The following PXYLP1 variants were observed in gnomAD, a reference collection of about 807,000 sequenced individuals.
The protein encoded by PXYLP1 is 2-phosphoxylose phosphatase 1, also known as acid phosphatase-like 2.
Under a neutral mutation model 37.9 loss-of-function variants are expected in PXYLP1, and 17 were observed. The ratio of observed to expected loss-of-function variants is 0.45; its 90% CI spans 0.31 to 0.67. The LOEUF (loss-of-function observed/expected upper bound fraction) is 0.67. PXYLP1 is among the 30% of genes least tolerant of loss of function. PXYLP1 has a pLI of 0.07. For synonymous variants in PXYLP1, 221 were observed against 232.2 expected, an observed-to-expected ratio of 0.95 and a Z score of 0.44; for missense variants, 511 against 612.0, an observed-to-expected ratio of 0.84 and a Z score of 1.74.
intron 2 of PXYLP1, among the ~76,000 whole-genome samples, chr3:141,277,537 C>T (rs144222606): frequency 6.6e-6 from 1 of 152,098 alleles, no homozygotes; most frequent in Non-Finnish European, 1.5e-5. Flanking sequence ...AAAAAGAGCA[C>T]CTCTTCTAGA....
chr3:141,275,153 A>G (rs571465449), intron 2 of PXYLP1, among the ~76,000 whole-genome samples: 2 of 152,350 alleles, frequency 1.3e-5, no homozygotes, highest in South Asian at 4.1e-4. Context: ...CTGAACTAGT[A>G]GACACAGTTG....
chr3:141,232,971 G>A (rs1314661291), intron 1 of PXYLP1, among the ~76,000 whole-genome samples: 1 of 152,168 alleles, frequency 6.6e-6, no homozygotes, highest in Non-Finnish European at 1.5e-5. Flanking sequence ...GGAAGTGTAG[G>A]GGGGTGGATG....
intron 1 of PXYLP1, 35 bp from the exon 2 acceptor site, chr3:141,260,088 T>A: frequency 4.0e-6 from 6 of 1,516,104 alleles, no homozygotes; most frequent in Non-Finnish European, 4.5e-6. Flanking sequence ...TCTCCACCTC[T>A]AAACACTCAT....
intron 2 of PXYLP1, among the ~76,000 whole-genome samples, chr3:141,276,332 T>A (rs1184511775): frequency 6.6e-6 from 1 of 152,248 alleles, no homozygotes; most frequent in Non-Finnish European, 1.5e-5. Context: ...TGTGTTATGA[T>A]GGATAACCTT....
At chr3:141,261,339 C>T (rs1941391318) in intron 2 of PXYLP1, among the ~76,000 whole-genome samples, 3 of 152,058 alleles carry the variant, frequency 2.0e-5, no homozygotes, top group South Asian at 4.1e-4. Flanking sequence ...ATTTTTATAG[C>T]GACAGGGCAG....
At chr3:141,278,809 G>A (rs943077270) in intron 3 of PXYLP1, among the ~76,000 whole-genome samples, 2 of 152,230 alleles carry the variant, frequency 1.3e-5, no homozygotes, top group Admixed American at 1.3e-4. Context: ...GTAGAAAGGT[G>A]GCCTTGGCAG....
chr3:141,274,124 G>A, intron 2 of PXYLP1: 1 of 999,026 alleles, frequency 1.0e-6, no homozygotes, highest in Non-Finnish European at 1.2e-6. Flanking sequence ...AAGCCTGCTG[G>A]GAGGAGCAGT....
At chr3:141,271,216 A>G (rs1200286787) in intron 2 of PXYLP1, among the ~76,000 whole-genome samples, 1 of 152,216 alleles carries the variant, frequency 6.6e-6, no homozygotes, top group African/African-American at 2.4e-5. Flanking sequence ...TACTTGCCCC[A>G]GGTCACACAG....
At chr3:141,270,836 C>T (rs1357604583) in intron 2 of PXYLP1, among the ~76,000 whole-genome samples, 1 of 152,228 alleles carries the variant, frequency 6.6e-6, no homozygotes, top group Non-Finnish European at 1.5e-5. Context: ...CTTTTAAGAG[C>T]CTGCAGGAAA....
chr3:141,250,598 G>A (rs928738449), intron 1 of PXYLP1, among the ~76,000 whole-genome samples: 8 of 152,228 alleles, frequency 5.3e-5, no homozygotes, highest in Admixed American at 2.0e-4. Flanking sequence ...CCTGGGGGAG[G>A]GATTTCTGGA....
chr3:141,241,606 C>T (rs1416736083), intron 1 of PXYLP1, among the ~76,000 whole-genome samples: 1 of 152,172 alleles, frequency 6.6e-6, no homozygotes, highest in Non-Finnish European at 1.5e-5. Flanking sequence ...GGAATGGGCA[C>T]AGACATTGAG....
intron 4 of PXYLP1, among the ~76,000 whole-genome samples, chr3:141,279,834 C>T (rs931889842): frequency 6.6e-6 from 1 of 152,228 alleles, no homozygotes; most frequent in Non-Finnish European, 1.5e-5. Context: ...CTGCTCCATT[C>T]AGAGCAGCGG....
At chr3:141,241,996 A>C (rs1172995399) in intron 1 of PXYLP1, among the ~76,000 whole-genome samples, 1 of 152,240 alleles carries the variant, frequency 6.6e-6, no homozygotes, top group African/African-American at 2.4e-5. Flanking sequence ...GAACTCCAGC[A>C]TGTAGTTGGT....
chr3:141,285,682 G>A (rs1298218991), intron 4 of PXYLP1, among the ~76,000 whole-genome samples: 1 of 152,040 alleles, frequency 6.6e-6, no homozygotes. Flanking sequence ...CTCAAAAAAA[G>A]CTCCAACCTG....
chr3:141,266,646 AGGGAGAGAGGGAGAGAGAGAGATGGG>A (rs1197452690), intron 2 of PXYLP1, among the ~76,000 whole-genome samples: 4 of 132,654 alleles, frequency 3.0e-5, no homozygotes, highest in African/African-American at 1.2e-4. Flanking sequence ...GGAGAGACAG[AGGGAGAGAGGGAGAGAGAGAGATGGG>A]GGGAGAGAGG....
chr3:141,292,933 C>T lies in PXYLP1; in HGVS notation c.1171C>T (p.Leu391Phe). The change falls in exon 6 of 6, where the codon CTT becomes TTT. Residue 391 changes from leucine to phenylalanine, a missense_variant. Coordinates refer to ENST00000286353, the MANE Select transcript of PXYLP1 (RefSeq NM_001037172.3). The surrounding 1 kb of genome is among the most constrained non-coding windows in gnomAD (Gnocchi z 4.3). ...GTCACCAGTTCTCAGTGCCTTGGGC[C>T]TTTCAGAAGCCAGGTTCCCAAGGTT... ...TLSPVLSALG[L>F]SEARFPRFAA... is the part of the protein sequence containing the mutation. The T allele has an allele frequency of 6.2e-7, 1 of 1,614,174 alleles. No homozygotes were observed. Among genetic ancestry groups the T allele is most frequent in the South Asian group, 1.1e-5 (1 of 91,084 alleles).
chr3:141,262,440 TTGA>T, intron 2 of PXYLP1: 1 of 754,526 alleles, frequency 1.3e-6, no homozygotes, highest in South Asian at 5.5e-5. Context: ...TGATTTTATT[TTGA>T]GAGGCTGACA....
chr3:141,250,637 A>G (rs1220660109), intron 1 of PXYLP1, among the ~76,000 whole-genome samples: 4 of 152,240 alleles, frequency 2.6e-5, no homozygotes, highest in Admixed American at 2.6e-4. Context: ...AGTAGAGATG[A>G]ACAGAGTTAT....
intron 1 of PXYLP1, among the ~76,000 whole-genome samples, chr3:141,245,766 C>T (rs367811100): frequency 6.6e-5 from 10 of 152,278 alleles, no homozygotes; most frequent in Middle Eastern, 3.4e-3. Context: ...AGGTATTTGG[C>T]GGAGAGGTCC....
Sources: allele counts gnomAD v4.1 joint callset (sites outside exome capture counted in the v4.1 genomes callset), GRCh38; gene constraint gnomAD v4.1.1; non-coding constraint Gnocchi (gnomAD v3.1); transcripts MANE v1.5; gene names NCBI Gene and HGNC (gene_info 2026-07-23, HGNC 2026-07-21).